Variants in ARHGAP26 observed in about 807,000 individuals in gnomAD.
ARHGAP26 encodes Rho GTPase activating protein 26, also known as rho GTPase-activating protein 26.
Under a neutral mutation model 104.8 loss-of-function variants are expected in ARHGAP26, and 38 were observed. The ratio of observed to expected loss-of-function variants is 0.36; its 90% CI spans 0.28 to 0.48. The LOEUF is 0.48. Ranked by LOEUF, ARHGAP26 falls within the 20% of genes least tolerant of loss-of-function variation. The pLI, the probability that ARHGAP26 is intolerant of heterozygous loss-of-function variation, is 0.99. For missense variants in ARHGAP26, 704 were observed against 947.9 expected (o/e 0.74, Z 3.38); for synonymous variants, 341 against 340.0 (o/e 1.00, Z -0.03).
At chr5:142,808,254 A>G in intron 1 of ARHGAP26, among the ~76,000 whole-genome samples, 1 of 139,652 alleles carries the variant, frequency 7.2e-6, no homozygotes, top group African/African-American at 3.1e-5. Context: ...AAAAAAAAAA[A>G]AAAAAAAAAA....
chr5:143,167,636 G>A (rs1802192302), intron 20 of ARHGAP26, among the ~76,000 whole-genome samples: 2 of 152,078 alleles, frequency 1.3e-5, no homozygotes, highest in Admixed American at 1.3e-4. Flanking sequence ...CCTAGAGATG[G>A]TAATAGTATG....
intron 1 of ARHGAP26, among the ~76,000 whole-genome samples, chr5:142,872,002 C>T (rs1755381571): frequency 6.6e-6 from 1 of 152,204 alleles, no homozygotes; most frequent in African/African-American, 2.4e-5. Flanking sequence ...GGAGCTGCAG[C>T]TGCTGTCCAT....
At chr5:143,033,733 A>G (rs1269633889) in intron 12 of ARHGAP26, among the ~76,000 whole-genome samples, 2 of 152,190 alleles carry the variant, frequency 1.3e-5, no homozygotes, top group African/African-American at 4.8e-5. Flanking sequence ...GTTCAGAATC[A>G]ATGTCTGCAG....
intron 8 of ARHGAP26, chr5:142,907,387 CT>C (rs1285313708): frequency 1.2e-5 from 2 of 166,890 alleles, no homozygotes; most frequent in African/African-American, 4.8e-5. Flanking sequence ...TCAGTTGGGG[CT>C]TGATGATGGG....
At chr5:142,818,875 G>A (rs1452735865) in intron 1 of ARHGAP26, among the ~76,000 whole-genome samples, 1 of 151,956 alleles carries the variant, frequency 6.6e-6, no homozygotes, top group Admixed American at 6.6e-5. Flanking sequence ...ACATTAGAAT[G>A]CCCCTTCCCT....
intron 17 of ARHGAP26, among the ~76,000 whole-genome samples, chr5:143,094,358 C>A (rs371457271): frequency 2.0e-5 from 3 of 152,112 alleles, no homozygotes; most frequent in African/African-American, 7.2e-5. Context: ...TTTTCCCTCG[C>A]GTTGCTGAGA....
chr5:143,030,506 G>C (rs1781689321), intron 12 of ARHGAP26, among the ~76,000 whole-genome samples: 1 of 152,222 alleles, frequency 6.6e-6, no homozygotes, highest in African/African-American at 2.4e-5. Context: ...CCATTCTTGG[G>C]CTTCGCTGCT....
intron 17 of ARHGAP26, among the ~76,000 whole-genome samples, chr5:143,110,135 C>A (rs1041684719): frequency 2.6e-5 from 4 of 152,338 alleles, no homozygotes; most frequent in East Asian, 1.9e-4. Flanking sequence ...ATGTCCTTGA[C>A]CACCAGTCTA....
chr5:143,110,137 A>G (rs1794595603), intron 17 of ARHGAP26, among the ~76,000 whole-genome samples: 1 of 152,142 alleles, frequency 6.6e-6, no homozygotes, highest in African/African-American at 2.4e-5. Flanking sequence ...GTCCTTGACC[A>G]CCAGTCTAAA....
At chr5:143,217,407 C>T (rs1479577131) in intron 22 of ARHGAP26, among the ~76,000 whole-genome samples, 1 of 152,140 alleles carries the variant, frequency 6.6e-6, no homozygotes, top group Non-Finnish European at 1.5e-5. Flanking sequence ...AACAAGAGCA[C>T]CTCAGACAGT....
intron 1 of ARHGAP26, among the ~76,000 whole-genome samples, chr5:142,805,302 A>G (rs568279613): frequency 2.0e-5 from 3 of 152,100 alleles, no homozygotes; most frequent in Middle Eastern, 6.8e-3. Context: ...CGGTTTTGCC[A>G]TGTTGGTCAG....
At chr5:142,791,365 T>C (rs1337237980) in intron 1 of ARHGAP26, among the ~76,000 whole-genome samples, 1 of 152,202 alleles carries the variant, frequency 6.6e-6, no homozygotes, top group Non-Finnish European at 1.5e-5. Flanking sequence ...GCCAGTGTGC[T>C]CATTCTGTTT....
chr5:142,777,713 G>C (rs1019145737), intron 1 of ARHGAP26, among the ~76,000 whole-genome samples: 4 of 152,164 alleles, frequency 2.6e-5, no homozygotes, highest in Non-Finnish European at 5.9e-5. Context: ...TTTTTGGATG[G>C]AGGTAACCAA....
At chr5:143,010,188 A>G (rs1481280117) in intron 11 of ARHGAP26, among the ~76,000 whole-genome samples, 4 of 152,196 alleles carry the variant, frequency 2.6e-5, no homozygotes, top group Admixed American at 2.0e-4. Flanking sequence ...GGTATTTATG[A>G]ACCATAATAC....
chr5:143,126,874 A>C (rs776837770), intron 18 of ARHGAP26, among the ~76,000 whole-genome samples: 3 of 152,248 alleles, frequency 2.0e-5, no homozygotes, highest in Non-Finnish European at 4.4e-5. Flanking sequence ...CCGTATGAAC[A>C]GAATCTTTTC....
intron 14 of ARHGAP26, among the ~76,000 whole-genome samples, chr5:143,049,573 T>A (rs1464640850): frequency 6.6e-6 from 1 of 152,230 alleles, no homozygotes; most frequent in Non-Finnish European, 1.5e-5. Flanking sequence ...GTCTCTGTAT[T>A]TTTTGCCAAC....
At chr5:143,220,111 A>G (rs1810939785) in intron 22 of ARHGAP26, among the ~76,000 whole-genome samples, 1 of 152,250 alleles carries the variant, frequency 6.6e-6, no homozygotes, top group African/African-American at 2.4e-5. Flanking sequence ...AGATGGACTC[A>G]GTGCATCCAG....
At chr5:142,989,486 A>T (rs1775275640) in intron 11 of ARHGAP26, among the ~76,000 whole-genome samples, 1 of 152,114 alleles carries the variant, frequency 6.6e-6, no homozygotes, top group African/African-American at 2.4e-5. Context: ...TTTAAGGTTA[A>T]TATTGTTATG....
chr5:142,980,352 CTTTATTTTATTTTATTTTAT>C (rs35267021), intron 11 of ARHGAP26, among the ~76,000 whole-genome samples: 5 of 131,536 alleles, frequency 3.8e-5, no homozygotes, highest in African/African-American at 8.7e-5. Context: ...CTCTAGGAAC[CTTTATTTTATTTTATTTTAT>C]TTTATTTTAT....
Sources: allele counts gnomAD v4.1 joint callset (sites outside exome capture counted in the v4.1 genomes callset), GRCh38; gene constraint gnomAD v4.1.1; transcripts MANE v1.5; gene names NCBI Gene and HGNC (gene_info 2026-07-23, HGNC 2026-07-21).